HPS1: variants seen among roughly 807,000 people sequenced by gnomAD.
The protein encoded by HPS1 is HPS1 biogenesis of lysosomal organelles complex 3 subunit 1.
Under a neutral mutation model 90.6 loss-of-function variants are expected in HPS1, and 59 were observed. The ratio of observed to expected loss-of-function variants is 0.65; its 90% CI spans 0.53 to 0.81. The LOEUF (loss-of-function observed/expected upper bound fraction) is 0.81. Among genes scored for constraint, HPS1 ranks in the 30% least tolerant of loss-of-function variants. The pLI is 0.00. For synonymous variants in HPS1, 388 were observed against 384.4 expected (o/e 1.01, Z -0.11); for missense variants, 849 against 896.7 (o/e 0.95, Z 0.68).
chr10:98,430,690 G>T lies in HPS1; in HGVS notation c.669-20C>A, dbSNP rs1053782270. On this transcript the variant is annotated intron_variant, in intron 7 of 19. Transcript: ENST00000361490. Reference sequence around the variant, plus strand: ...CTGTGGCTGCAGACACAGGAGCATGGCCACCCATCAGCACATGCCCAGCAG... The same window carrying T: ...CTGTGGCTGCAGACACAGGAGCATGTCCACCCATCAGCACATGCCCAGCAG... 4.5e-6 allele frequency: 7 copies of T among 1,544,044 alleles called. No individual in the cohort carries two copies. Among genetic ancestry groups the T allele is most frequent in the East Asian group, 2.4e-5 (1 of 40,944 alleles).
At chr10:98,427,040 C>A in intron 11 of HPS1, 175 bp downstream of exon 11, 1 of 574,480 alleles carries the variant, frequency 1.7e-6, no homozygotes, top group Non-Finnish European at 3.1e-6. Flanking sequence ...CTGGACCCTG[C>A]CTCTGGGCTG....
Position 98,422,478 on chromosome 10 carries a change from A to G in HPS1, c.1634T>C (p.Ile545Thr). 1 of 1,614,050 alleles carries G rather than the reference A, an allele frequency of 6.2e-7. No homozygotes were observed. Among genetic ancestry groups the G allele is most frequent in the Non-Finnish European group, 8.5e-7 (1 of 1,179,908 alleles). Residue 545 changes from isoleucine (I) to threonine (T), a missense_variant, in exon 17 of 20, where the codon ATC becomes ACC. Ile to Thr is a moderately conservative substitution (Grantham distance 89). Coordinates refer to ENST00000361490, the MANE Select transcript of HPS1 (RefSeq NM_000195.5). ...LEDFPGLVHF[I>T]YVDRTTGQMV... ...CTGCCCAGTGGTGCGGTCCACATAGATGAAGTGCACCAAGCCTGGGAAGTC... is the reference window on the plus strand; with the variant it reads ...CTGCCCAGTGGTGCGGTCCACATAGGTGAAGTGCACCAAGCCTGGGAAGTC...
intron 11 of HPS1, 102 bp downstream of exon 11, chr10:98,427,113 G>A: frequency 1.0e-6 from 1 of 975,998 alleles, no homozygotes. Flanking sequence ...AGGAGGGCTG[G>A]CACGGGTAGA....
intron 3 of HPS1, among the ~76,000 whole-genome samples, chr10:98,436,334 T>C (rs1282622256): frequency 6.6e-6 from 1 of 152,170 alleles, no homozygotes; most frequent in Non-Finnish European, 1.5e-5. Flanking sequence ...AGTGTTTCAA[T>C]GACATGGAAA....
In HPS1 at chr10:98,435,775, G is replaced by A. The variant is rs2136258183; in HGVS notation, c.118-3C>T. Reference sequence around the variant, plus strand: ...AGCTGGTCCTCCAGGGCAGGGAGCTGCAAAAATGGGGGAAAATTTCACAGC... The same window carrying A: ...AGCTGGTCCTCCAGGGCAGGGAGCTACAAAAATGGGGGAAAATTTCACAGC... On this transcript the variant is annotated splice_region_variant and splice_polypyrimidine_tract_variant and intron_variant, in intron 3 of 19. Coordinates refer to ENST00000361490, the MANE Select transcript of HPS1 (RefSeq NM_000195.5). This position sits in a 1 kb window ranked among gnomAD's most constrained non-coding sequence, Gnocchi z 4.3. 1.2e-6 allele frequency: 2 copies of A among 1,614,026 alleles called. No homozygotes were observed. Among genetic ancestry groups the A allele is most frequent in the East Asian group, 2.2e-5 (1 of 44,882 alleles).
At chr10:98,425,473 G>T in intron 13 of HPS1, 68 bp downstream of exon 13, 1 of 1,504,148 alleles carries the variant, frequency 6.6e-7, no homozygotes, top group Non-Finnish European at 9.1e-7. Context: ...AGCTGCTGTG[G>T]ACCGGATGTA....
downstream of HPS1, chr10:98,415,016 T>A (rs768519902): frequency 6.2e-7 from 1 of 1,612,926 alleles, no homozygotes; most frequent in Non-Finnish European, 8.5e-7. Flanking sequence ...TACCTGCTCC[T>A]ATCACCACCG....
rs1846100601 is a variant in HPS1 at position 98,429,607 on chromosome 10, G to A, written c.903C>T (p.Phe301=). 6.2e-7 allele frequency: 1 copy of A among 1,614,234 alleles called. No homozygotes were observed. The highest frequency in any genetic ancestry group is 1.1e-5 in the South Asian group (1 of 91,084). Residue 301 remains phenylalanine (F), a synonymous_variant, in exon 10 of 20, where the codon TTC becomes TTT. Transcript: ENST00000361490. ...TDSFSLPEEY[F]TPAPSPGDQS... Reference sequence around the variant, plus strand: ...GATCGCCAGGGGAAGGAGCTGGTGTGAAGTACTCCTCAGGGAGGGAGAAGC... The same window carrying A: ...GATCGCCAGGGGAAGGAGCTGGTGTAAAGTACTCCTCAGGGAGGGAGAAGC...
rs1847254753 is a variant in HPS1 at position 98,435,895 on chromosome 10, A to C, written c.118-123T>G. The stretch of plus-strand genomic sequence containing the variant: ...TGTTAGACCCTCCTGGGAGGGTATC[A>C]CTGTCCTGGTAGGGAGGGGAGCAAA... On this transcript the variant is annotated intron_variant, in intron 3 of 19. Coordinates refer to ENST00000361490, the MANE Select transcript of HPS1 (RefSeq NM_000195.5). The surrounding 1 kb of genome is among the most constrained non-coding windows in gnomAD (Gnocchi z 4.3). 1 of 1,259,518 alleles carries C rather than the reference A, an allele frequency of 7.9e-7. No homozygotes were observed. The allele number at this position is 1,259,518 out of a possible 1,614,324, so 78.0% of individuals were successfully genotyped here. A position where few individuals can be genotyped will look rare whatever the true frequency, so the allele number is the denominator to read the frequency against.
downstream of HPS1, among the ~76,000 whole-genome samples, chr10:98,415,803 C>T (rs138200598): frequency 6.6e-6 from 1 of 152,226 alleles, no homozygotes. Context: ...GGGGCAAGTT[C>T]GCTGTCTGTA....
rs1847116542 is a variant in HPS1, at chr10:98,435,105, G to T, written c.398+167C>A. 1.4e-6 allele frequency: 1 copy of T among 732,648 alleles called. No individual in the cohort carries two copies. The highest frequency in any genetic ancestry group is 1.7e-5 in the African/African-American group (1 of 57,438). The allele number at this position is 732,648 out of a possible 1,614,324, so 45.4% of individuals were successfully genotyped here. On this transcript the variant is annotated intron_variant, in intron 5 of 19. Transcript: ENST00000361490. The surrounding 1 kb of genome is among the most constrained non-coding windows in gnomAD (Gnocchi z 4.3). ...GTTTCACCAGATATAAAGTCAGAGG[G>T]TCAGACCAGATGGTCTCCAAGGTTC... is the stretch of plus-strand genomic sequence containing the variant.
In HPS1 at chr10:98,430,238, A is replaced by G. The variant is rs78731995; in HGVS notation, c.768+333T>C. Among the ~76,000 whole-genome samples the G allele has an allele frequency of 9.8e-5, 15 of 152,296 alleles. No homozygotes were observed. In the East Asian group the frequency reaches 2.9e-3, roughly 29 times the overall value. ...TTTGTCCCTCCAAATACCCCTGAGA[A>G]GTAGATGCTTTGTTATTCCCATTGC... is the stretch of plus-strand genomic sequence containing the variant. On this transcript the variant is annotated intron_variant, in intron 8 of 19. Transcript: ENST00000361490.
At chr10:98,422,311 A>T (rs932672546) in intron 17 of HPS1, 58 bp downstream of exon 17, 7 of 1,594,356 alleles carry the variant, frequency 4.4e-6, no homozygotes, top group Non-Finnish European at 6.0e-6. Context: ...CACACCAGGA[A>T]GGGCTACCCA....
At chr10:98,422,337 C>T in intron 17 of HPS1, 32 bp downstream of exon 17, 11 of 1,594,470 alleles carry the variant, frequency 6.9e-6, no homozygotes, top group Non-Finnish European at 8.6e-6. Context: ...GGCTGAGGCC[C>T]ACCCATCCCC....
At position 98,431,081 on chromosome 10, in the gene HPS1, TGA is replaced by T. The variant is rs763657233; in HGVS notation, c.668+48_668+49del. The T allele has an allele frequency of 3.8e-6, 6 of 1,593,258 alleles. No individual in the cohort carries two copies. The African/African-American group carries it at 8.1e-5, about 21-fold the overall frequency. On this transcript the variant is annotated intron_variant, in intron 7 of 19. Transcript: ENST00000361490. Reference sequence around the variant, plus strand: ...TTTTCAGGCAGAGGCCATAGGGGAGTGAGAAGGCCAGGGAGCCTTTAGCCACC... The same window carrying T: ...TTTTCAGGCAGAGGCCATAGGGGAGTGAAGGCCAGGGAGCCTTTAGCCACC...
chr10:98,431,935 C>T (rs2136220143), intron 6 of HPS1, among the ~76,000 whole-genome samples: 1 of 152,252 alleles, frequency 6.6e-6, no homozygotes, highest in Non-Finnish European at 1.5e-5. Flanking sequence ...GTTTTACATT[C>T]TTTTTTGTGC....
At chr10:98,427,330 A>T in intron 10 of HPS1, 66 bp from the exon 11 acceptor site, 6 of 1,384,012 alleles carry the variant, frequency 4.3e-6, no homozygotes, top group Non-Finnish European at 6.0e-6. Flanking sequence ...GCTCAACAGC[A>T]TGGGGTAGGG....
At chr10:98,414,860 G>T, downstream of HPS1, 3 of 1,219,490 alleles carry the variant, frequency 2.5e-6, no homozygotes, top group Non-Finnish European at 3.3e-6. Context: ...GCTTTCCATT[G>T]CAGCCCCTGC....
intron 6 of HPS1, among the ~76,000 whole-genome samples, chr10:98,431,881 C>T (rs1846524228): frequency 6.6e-6 from 1 of 152,028 alleles, no homozygotes; most frequent in Non-Finnish European, 1.5e-5. Context: ...TGAATATATC[C>T]AAAATATTAT....
Sources: allele counts gnomAD v4.1 joint callset (sites outside exome capture counted in the v4.1 genomes callset), GRCh38; gene constraint gnomAD v4.1.1; non-coding constraint Gnocchi (gnomAD v3.1); transcripts MANE v1.5; gene names NCBI Gene and HGNC (gene_info 2026-07-23, HGNC 2026-07-21).